SMARCA1: variants seen among roughly 807,000 people sequenced by gnomAD.
The protein encoded by SMARCA1 is SWI/SNF-related matrix-associated actin-dependent regulator of chromatin subfamily A member 1.
SMARCA1 carries 17 observed loss-of-function variants against 93.6 expected under a neutral mutation model. The ratio of observed to expected loss-of-function variants is 0.18; its 90% CI spans 0.12 to 0.27. The LOEUF (loss-of-function observed/expected upper bound fraction) is 0.27. Ranked by LOEUF, SMARCA1 falls within the 10% of genes least tolerant of loss-of-function variation. The pLI is 1.00. For missense variants in SMARCA1, 630 were observed against 819.0 expected, an observed-to-expected ratio of 0.77 and a Z score of 2.82; for synonymous variants, 271 against 271.4, an observed-to-expected ratio of 1.00 and a Z score of 0.01.
In SMARCA1 at chrX:129,516,026, C is replaced by T. The variant is rs764750120; in HGVS notation, c.429-32G>A. On this transcript the variant is annotated intron_variant, in intron 3 of 24. Transcript: ENST00000371121. The stretch of plus-strand genomic sequence containing the variant: ...TTAAAAAAGGAAATCCCTTCATATT[C>T]GACCTAAATGATAAGGTATCAATTA... The T allele has an allele frequency of 5.9e-6, 6 of 1,011,122 alleles. No homozygotes were observed. The African/African-American group carries it at 7.5e-5, about 13-fold the overall frequency. The allele number at this position is 1,011,122 out of a possible 1,213,427, so 83.3% of individuals were successfully genotyped here. A position where few individuals can be genotyped will look rare whatever the true frequency, so the allele number is the denominator to read the frequency against.
chrX:129,522,196 C>A (rs1166888621), intron 1 of SMARCA1, among the ~76,000 whole-genome samples: 2 of 111,052 alleles, frequency 1.8e-5, no homozygotes, highest in African/African-American at 3.3e-5. Context: ...TCGGGCCACA[C>A]GAAATGTGCC....
intron 14 of SMARCA1, among the ~76,000 whole-genome samples, chrX:129,490,683 T>C (rs1393209802): frequency 9.0e-6 from 1 of 111,637 alleles, no homozygotes; most frequent in Non-Finnish European, 1.9e-5. Context: ...CTATGGTTTA[T>C]AGTTGGTACA....
At chrX:129,463,582 C>A (rs948098351) in intron 23 of SMARCA1, among the ~76,000 whole-genome samples, 17 of 111,846 alleles carry the variant, frequency 1.5e-4, no homozygotes, top group African/African-American at 5.5e-4. Context: ...CTGTACCTTG[C>A]TAACATATAT....
chrX:129,486,744 C>G (rs1434610403), intron 17 of SMARCA1, among the ~76,000 whole-genome samples: 1 of 110,800 alleles, frequency 9.0e-6, no homozygotes, highest in Admixed American at 9.6e-5. Context: ...TACACTGCTT[C>G]TCAATAACAA....
rs1036729561 is a variant in SMARCA1 at position 129,499,890 on chromosome X, T to C, written c.1168-49A>G. On this transcript the variant is annotated intron_variant, in intron 9 of 24. Coordinates refer to ENST00000371121, the MANE Select transcript of SMARCA1 (RefSeq NM_001282874.2). ...AAGTTTATGAAACATTTAATATGAT[T>C]AATAATGTATTTCATTAACAACATT... 2.0e-5 allele frequency: 12 copies of C among 592,450 alleles called. No individual in the cohort carries two copies. The African/African-American group carries it at 2.7e-4, about 14-fold the overall frequency. 48.8% of individuals were successfully genotyped at this position (592,450 alleles called of 1,213,427 possible). A position where few individuals can be genotyped will look rare whatever the true frequency, so the allele number is the denominator to read the frequency against.
intron 23 of SMARCA1, among the ~76,000 whole-genome samples, chrX:129,458,431 C>A (rs1362306332): frequency 8.9e-6 from 1 of 111,916 alleles, no homozygotes; most frequent in Non-Finnish European, 1.9e-5. Context: ...CTATTCAATG[C>A]AAAGTCACTC....
intron 13 of SMARCA1, 142 bp downstream of exon 13, chrX:129,492,898 A>T (rs187066888): frequency 0.013 from 3,882 of 291,940 alleles, 22 homozygotes; most frequent in Middle Eastern, 0.028. Context: ...TTGAAGATTT[A>T]AAAAAAATGA....
chrX:129,520,605 G>A (rs1227820060), intron 1 of SMARCA1, among the ~76,000 whole-genome samples: 1 of 109,312 alleles, frequency 9.1e-6, no homozygotes, highest in Non-Finnish European at 1.9e-5. Flanking sequence ...ACTAGATGAA[G>A]GCACTCTACA....
At chrX:129,460,935 C>A (rs1296464051) in intron 23 of SMARCA1, among the ~76,000 whole-genome samples, 3 of 111,796 alleles carry the variant, frequency 2.7e-5, no homozygotes, top group Non-Finnish European at 5.6e-5. Flanking sequence ...GTATTTTTTT[C>A]CTACAATTCT....
intron 23 of SMARCA1, among the ~76,000 whole-genome samples, chrX:129,464,272 T>C (rs1390074651): frequency 2.7e-5 from 3 of 112,699 alleles, no homozygotes; most frequent in Non-Finnish European, 5.6e-5. Flanking sequence ...TATTAAGCAT[T>C]GTTTCACACT....
chrX:129,460,927 AT>A (rs1225518739), intron 23 of SMARCA1, among the ~76,000 whole-genome samples: 1 of 112,110 alleles, frequency 8.9e-6, no homozygotes. Flanking sequence ...TCTAAAAAGT[AT>A]TTTTTTCCTA....
chrX:129,520,226 ACT>A (rs1184907930), intron 1 of SMARCA1, among the ~76,000 whole-genome samples: 1 of 108,332 alleles, frequency 9.2e-6, no homozygotes, highest in Non-Finnish European at 1.9e-5. Flanking sequence ...TGACTAAGAG[ACT>A]CTAATGAATT....
intron 19 of SMARCA1, among the ~76,000 whole-genome samples, chrX:129,475,985 T>C (rs1933364899): frequency 8.9e-6 from 1 of 112,605 alleles, no homozygotes; most frequent in Admixed American, 9.4e-5. Flanking sequence ...GAATTTTTTA[T>C]TGGGGATAAA....
chrX:129,497,130 T>C (rs16999468), intron 11 of SMARCA1, among the ~76,000 whole-genome samples: 10,399 of 110,419 alleles, frequency 0.094, 721 homozygotes, highest in African/African-American at 0.25. Context: ...ACTTAAAAGA[T>C]TGCCTTTACT....
chrX:129,511,315 G>T (rs1027470920), intron 6 of SMARCA1, among the ~76,000 whole-genome samples: 1 of 111,402 alleles, frequency 9.0e-6, no homozygotes, highest in African/African-American at 3.3e-5. Flanking sequence ...CACAAAACAC[G>T]AGGCTCTCTG....
chrX:129,458,085 C>T (rs762319882), intron 23 of SMARCA1, among the ~76,000 whole-genome samples: 4 of 111,910 alleles, frequency 3.6e-5, no homozygotes, highest in Admixed American at 2.8e-4. Flanking sequence ...TTTTGCAGAC[C>T]ACACAATCTC....
rs753758218 is a variant in SMARCA1 at position 129,465,698 on chromosome X, C to A, written c.2852G>T (p.Arg951Leu). 3 of 1,183,653 alleles carry A rather than the reference C, an allele frequency of 2.5e-6. No individual in the cohort carries two copies. Among genetic ancestry groups the A allele is most frequent in the Non-Finnish European group, 3.4e-6 (3 of 881,863 alleles). Residue 951 changes from arginine to leucine, a missense_variant, in exon 23 of 25, where the codon CGC becomes CTC. Physicochemically the swap from Arg to Leu is moderately radical, Grantham distance 102 (BLOSUM62 -2). Transcript: ENST00000371121. Reference sequence around the variant, plus strand: ...TCCTTTGCTGGTTCCATACTGAATGCGCAACTGATGAAATGGAGCCTTGTA... The same window carrying A: ...TCCTTTGCTGGTTCCATACTGAATGAGCAACTGATGAAATGGAGCCTTGTA... The part of the protein sequence containing the change: ...ARYKAPFHQL[R>L]IQYGTSKGKN...
At chrX:129,463,091 C>T (rs958896775) in intron 23 of SMARCA1, among the ~76,000 whole-genome samples, 1 of 111,163 alleles carries the variant, frequency 9.0e-6, no homozygotes, top group Non-Finnish European at 1.9e-5. Flanking sequence ...AAGCTCTCAA[C>T]CTTTTAAAAA....
intron 4 of SMARCA1, 42 bp from the exon 5 acceptor site, chrX:129,515,829 T>C (rs781399227): frequency 1.3e-5 from 15 of 1,148,191 alleles, no homozygotes; most frequent in African/African-American, 1.8e-5. Context: ...TTCATTAACA[T>C]ACTCAAGTAA....
Sources: allele counts gnomAD v4.1 joint callset (sites outside exome capture counted in the v4.1 genomes callset), GRCh38; gene constraint gnomAD v4.1.1; transcripts MANE v1.5; gene names NCBI Gene and HGNC (gene_info 2026-07-23, HGNC 2026-07-21).